TTLL11: variants seen among roughly 807,000 people sequenced by gnomAD.
TTLL11 encodes the protein tubulin tyrosine ligase like 11, also known as tubulin polyglutamylase TTLL11.
Under a neutral mutation model 51.7 loss-of-function variants are expected in TTLL11, and 42 were observed. The observed-to-expected ratio is 0.81, with a 90% CI of 0.64 to 1.05. The LOEUF (loss-of-function observed/expected upper bound fraction) is 1.05, where lower values mean the gene tolerates loss of function less well. Among genes scored for constraint, TTLL11 ranks in the 50% least tolerant of loss-of-function variants. The probability of loss-of-function intolerance (pLI) is 0.00; values close to 1 mark genes in which losing one functional copy is unlikely to be tolerated. For missense variants in TTLL11, 799 were observed against 940.4 expected, an observed-to-expected ratio of 0.85 and a Z score of 1.97; for synonymous variants, 381 against 383.5, an observed-to-expected ratio of 0.99 and a Z score of 0.08.
intron 8 of TTLL11, among the ~76,000 whole-genome samples, chr9:121,832,401 C>T (rs1177527572): frequency 6.6e-6 from 1 of 152,140 alleles, no homozygotes; most frequent in East Asian, 1.9e-4. Flanking sequence ...GGTAACATTG[C>T]CTTAAAAGTA....
intron 1 of TTLL11, among the ~76,000 whole-genome samples, chr9:122,050,412 C>T (rs1845127766): frequency 6.6e-6 from 1 of 152,164 alleles, no homozygotes; most frequent in Admixed American, 6.5e-5. Context: ...GAGTTCTCTC[C>T]AATGTTCCCC....
At chr9:122,002,663 G>A (rs906644453) in intron 3 of TTLL11, among the ~76,000 whole-genome samples, 1 of 152,108 alleles carries the variant, frequency 6.6e-6, no homozygotes, top group Non-Finnish European at 1.5e-5. Flanking sequence ...GAGATCTCCA[G>A]TGGCTGGGTG....
At chr9:122,038,140 A>T (rs1564369955) in intron 2 of TTLL11, among the ~76,000 whole-genome samples, 1 of 151,772 alleles carries the variant, frequency 6.6e-6, no homozygotes, top group East Asian at 1.9e-4. Flanking sequence ...AAATATTCAT[A>T]TTGCTGTTTT....
At chr9:121,838,460 T>C (rs1837244565) in intron 8 of TTLL11, among the ~76,000 whole-genome samples, 1 of 152,196 alleles carries the variant, frequency 6.6e-6, no homozygotes, top group Non-Finnish European at 1.5e-5. Flanking sequence ...GGCTCATGCC[T>C]GTAATCCCAG....
intron 1 of TTLL11, among the ~76,000 whole-genome samples, chr9:122,044,105 A>G (rs1844928507): frequency 6.6e-6 from 1 of 152,004 alleles, no homozygotes; most frequent in Non-Finnish European, 1.5e-5. Flanking sequence ...GAGAACGTGC[A>G]GTGTTTGGTT....
chr9:121,934,452 C>T (rs183264871), intron 6 of TTLL11, among the ~76,000 whole-genome samples: 3 of 152,236 alleles, frequency 2.0e-5, no homozygotes, highest in Non-Finnish European at 2.9e-5. Context: ...CTTTAAATAT[C>T]GTGAAGCTGT....
intron 8 of TTLL11, among the ~76,000 whole-genome samples, chr9:121,832,368 T>C (rs1371731599): frequency 6.6e-6 from 1 of 152,140 alleles, no homozygotes; most frequent in Non-Finnish European, 1.5e-5. Flanking sequence ...ACAGCTTGGA[T>C]TGGGAGTTGA....
At chr9:122,003,263 T>C (rs1198606899) in intron 3 of TTLL11, among the ~76,000 whole-genome samples, 1 of 152,170 alleles carries the variant, frequency 6.6e-6, no homozygotes, top group African/African-American at 2.4e-5. Flanking sequence ...GGTCAGGGAA[T>C]GCTTTTAAAA....
intron 8 of TTLL11, among the ~76,000 whole-genome samples, chr9:121,843,352 T>C (rs375019067): frequency 1.3e-5 from 2 of 152,102 alleles, no homozygotes; most frequent in African/African-American, 4.8e-5. Flanking sequence ...GAGTTCAGCT[T>C]ACCAGGAGCA....
Position 121,934,354 on chromosome 9 carries a change from T to C in TTLL11, c.1481+39655A>G, listed in dbSNP as rs543409043. ...GCAACACTTGGAAAATACTGATTTA[T>C]ATAGCTCTTCCGAATGTTGTGCATT... On this transcript the variant is annotated intron_variant, in intron 6 of 8. Transcript: ENST00000321582. Among the ~76,000 whole-genome samples, 69 of 152,352 alleles carry C rather than the reference T, an allele frequency of 4.5e-4. 1 individual carries two copies. The South Asian group carries it at 0.014, about 31-fold the overall frequency.
chr9:121,846,979 G>A (rs1372419040), intron 8 of TTLL11, among the ~76,000 whole-genome samples: 2 of 152,196 alleles, frequency 1.3e-5, no homozygotes, highest in Non-Finnish European at 2.9e-5. Flanking sequence ...GGGAGGCCGA[G>A]GCGGGCGGAT....
intron 6 of TTLL11, among the ~76,000 whole-genome samples, chr9:121,925,656 C>T (rs1402344324): frequency 6.6e-6 from 1 of 152,188 alleles, no homozygotes; most frequent in African/African-American, 2.4e-5. Context: ...GGTTCCCATG[C>T]CAAGGCTCTC....
intron 6 of TTLL11, among the ~76,000 whole-genome samples, chr9:121,943,131 A>T (rs559440621): frequency 6.6e-6 from 1 of 152,338 alleles, no homozygotes; most frequent in Non-Finnish European, 1.5e-5. Context: ...ATCCGGAGGC[A>T]GGTTTGAATT....
chr9:121,928,895 T>C (rs1840855594), intron 6 of TTLL11, among the ~76,000 whole-genome samples: 1 of 152,158 alleles, frequency 6.6e-6, no homozygotes, highest in Non-Finnish European at 1.5e-5. Flanking sequence ...ATGCTATTCA[T>C]TTACAGTCAT....
At position 122,039,289 on chromosome 9, in the gene TTLL11, T is replaced by C; in HGVS notation, c.542A>G (p.Gln181Arg). 1 of 1,614,040 alleles carries C rather than the reference T, an allele frequency of 6.2e-7. No homozygotes were observed. The stretch of plus-strand genomic sequence containing the variant: ...GCAGATACCTGGAAACTTGTTCACT[T>C]GACCGGAGAATATGTCATTGTCGTG... ...SFHDNDIFSG[Q>R]VNKFPGMTEM... The change falls in exon 2 of 9, where the codon CAA becomes CGA. Residue 181 changes from glutamine to arginine, a missense_variant. Around this residue, in one of 3 missense-constraint regions of TTLL11, gnomAD observed 468 missense variants for 612.8 expected, o/e 0.76. Transcript: ENST00000321582.
rs1226741756 is a variant in TTLL11 at position 121,971,253 on chromosome 9, G to A, written c.1481+2756C>T. 2.5e-5 allele frequency among the ~76,000 whole-genome samples: 2 copies of A among 81,148 alleles called. 1 individual carries two copies. The highest frequency in any genetic ancestry group is 7.5e-5 in the African/African-American group (2 of 26,724). 53.2% of individuals were successfully genotyped at this position (81,148 alleles called of 152,430 possible). ...CCCCGCCCGGCCAGCCGCCCCGTCC[G>A]GGAGGGAGGTGGGGGGGGGGTCAGC... is the stretch of plus-strand genomic sequence containing the variant. On this transcript the variant is annotated intron_variant, in intron 6 of 8. Coordinates refer to ENST00000321582, the MANE Select transcript of TTLL11 (RefSeq NM_001139442.2).
intron 8 of TTLL11, among the ~76,000 whole-genome samples, chr9:121,823,482 G>A (rs996577669): frequency 6.6e-6 from 1 of 152,200 alleles, no homozygotes; most frequent in Non-Finnish European, 1.5e-5. Flanking sequence ...GGAGGCAGAG[G>A]TTGCAGTGAG....
chr9:121,989,905 C>A lies in TTLL11; in HGVS notation c.694-135G>T. 1 of 1,478,238 alleles carries A rather than the reference C, an allele frequency of 6.8e-7. No individual in the cohort carries two copies. The highest frequency in any genetic ancestry group is 1.4e-5 in the African/African-American group (1 of 71,256). The allele number at this position is 1,478,238 out of a possible 1,614,324, so 91.6% of individuals were successfully genotyped here. ...GCCGATCTGAGCAGGGGCTGAGCAT[C>A]TTCCATGGAGATGACACTGCACAAG... On this transcript the variant is annotated intron_variant, in intron 3 of 8. Coordinates refer to ENST00000321582, the MANE Select transcript of TTLL11 (RefSeq NM_001139442.2). The surrounding 1 kb of genome is among the most constrained non-coding windows in gnomAD (Gnocchi z 4.2).
chr9:121,827,883 T>A (rs1836866904), intron 8 of TTLL11, among the ~76,000 whole-genome samples: 1 of 152,174 alleles, frequency 6.6e-6, no homozygotes, highest in Non-Finnish European at 1.5e-5. Flanking sequence ...GCTGCTGGGG[T>A]TCCCCCTGAG....
Sources: gnomAD v4.1 joint callset for allele counts (sites outside exome capture counted in the v4.1 genomes callset) on GRCh38, gnomAD v4.1.1 for gene constraint, gnomAD v4.1.1 regional missense constraint, Gnocchi (gnomAD v3.1) non-coding constraint, MANE v1.5 for transcripts, NCBI Gene and HGNC (gene_info 2026-07-23, HGNC 2026-07-21) for gene names.